The following CDK8 variants were observed in gnomAD, a reference collection of about 807,000 sequenced individuals.
The protein encoded by CDK8 is cyclin dependent kinase 8.
In CDK8, 29 loss-of-function variants were observed where a neutral mutation model predicts 71.5. The observed-to-expected ratio is 0.41, with a 90% CI of 0.30 to 0.55. The LOEUF (loss-of-function observed/expected upper bound fraction) is 0.55, where lower values mean the gene tolerates loss of function less well. CDK8 is among the 20% of genes least tolerant of loss of function. The pLI is 0.37. For synonymous variants in CDK8, 161 were observed against 192.1 expected (o/e 0.84, Z 1.34); for missense variants, 288 against 572.6 (o/e 0.50, Z 5.07).
chr13:26,401,405 T>A lies in CDK8; in HGVS notation c.1110+58T>A. The A allele has an allele frequency of 6.2e-7, 1 of 1,612,628 alleles. No homozygotes were observed. The highest frequency in any genetic ancestry group is 8.5e-7 in the Non-Finnish European group (1 of 1,178,700). Reference sequence around the variant, plus strand: ...TTTCGTGAATGCCTCCATAACATTTTCCATTGTGGGTATATTTTGTTCTCC... The same window carrying A: ...TTTCGTGAATGCCTCCATAACATTTACCATTGTGGGTATATTTTGTTCTCC... On this transcript the variant is annotated intron_variant, in intron 11 of 12. Transcript: ENST00000381527. This position sits in a 1 kb window ranked among gnomAD's most constrained non-coding sequence, Gnocchi z 4.5.
intron 1 of CDK8, among the ~76,000 whole-genome samples, chr13:26,255,668 G>C (rs1871493525): frequency 6.6e-6 from 1 of 152,162 alleles, no homozygotes. Flanking sequence ...TTAACTCCAT[G>C]TTTTCTTGTA....
At chr13:26,364,465 G>A (rs1874291112) in intron 4 of CDK8, among the ~76,000 whole-genome samples, 1 of 152,102 alleles carries the variant, frequency 6.6e-6, no homozygotes, top group Non-Finnish European at 1.5e-5. Flanking sequence ...GAAACTTAAT[G>A]TTTTTTGCAA....
At chr13:26,278,127 A>G (rs965015652) in intron 1 of CDK8, among the ~76,000 whole-genome samples, 4 of 152,236 alleles carry the variant, frequency 2.6e-5, no homozygotes, top group African/African-American at 7.2e-5. Context: ...AAGAAATTCA[A>G]GTAGTGGATT....
At chr13:26,259,426 GTAATC>G (rs1217212985) in intron 1 of CDK8, among the ~76,000 whole-genome samples, 1 of 152,130 alleles carries the variant, frequency 6.6e-6, no homozygotes, top group Non-Finnish European at 1.5e-5. Flanking sequence ...GGTATTATAA[GTAATC>G]TAGAGATGAT....
chr13:26,309,287 C>T (rs980029074), intron 1 of CDK8, among the ~76,000 whole-genome samples: 1 of 151,954 alleles, frequency 6.6e-6, no homozygotes, highest in African/African-American at 2.4e-5. Flanking sequence ...CTATAGGCGC[C>T]TGCCACCATG....
intron 1 of CDK8, among the ~76,000 whole-genome samples, chr13:26,319,716 C>A (rs768724758): frequency 6.7e-6 from 1 of 149,956 alleles, no homozygotes; most frequent in Non-Finnish European, 1.5e-5. Context: ...AAGAAAAAAC[C>A]CATCCTGAAA....
chr13:26,371,216 A>AT (rs1874667546), intron 4 of CDK8, among the ~76,000 whole-genome samples: 1 of 152,320 alleles, frequency 6.6e-6, no homozygotes, highest in Non-Finnish European at 1.5e-5. Flanking sequence ...GGACTTTTAT[A>AT]TATCAAGAAT....
intron 4 of CDK8, 58 bp downstream of exon 4, chr13:26,353,938 C>A: frequency 6.7e-7 from 1 of 1,485,456 alleles, no homozygotes; most frequent in Non-Finnish European, 9.4e-7. Context: ...GGATACTTTT[C>A]TAGTCGTCTG....
intron 1 of CDK8, among the ~76,000 whole-genome samples, chr13:26,300,055 T>A (rs1873756514): frequency 6.6e-6 from 1 of 152,150 alleles, no homozygotes; most frequent in Non-Finnish European, 1.5e-5. Flanking sequence ...CCTTCAGTAG[T>A]CAATGAGATA....
chr13:26,281,106 G>A (rs1872727443), intron 1 of CDK8, among the ~76,000 whole-genome samples: 1 of 152,214 alleles, frequency 6.6e-6, no homozygotes, highest in Non-Finnish European at 1.5e-5. Context: ...TAATTCCACT[G>A]CCTGCAACAT....
intron 1 of CDK8, among the ~76,000 whole-genome samples, chr13:26,308,108 A>G (rs1201753305): frequency 2.0e-5 from 3 of 152,162 alleles, no homozygotes; most frequent in Non-Finnish European, 2.9e-5. Flanking sequence ...TTCGTAAACA[A>G]TTTTCTAGAA....
intron 2 of CDK8, among the ~76,000 whole-genome samples, chr13:26,348,574 CCCTGCA>C (rs1218815077): frequency 6.6e-6 from 1 of 152,022 alleles, no homozygotes; most frequent in Non-Finnish European, 1.5e-5. Context: ...CCAGCCCCCG[CCCTGCA>C]CCTCCACCCC....
intron 1 of CDK8, among the ~76,000 whole-genome samples, chr13:26,309,762 C>T (rs182809964): frequency 2.8e-4 from 42 of 152,196 alleles, no homozygotes; most frequent in African/African-American, 7.9e-4. Context: ...GTAAAATTTA[C>T]CATCTTACCA....
intron 1 of CDK8, among the ~76,000 whole-genome samples, chr13:26,270,847 C>G (rs550032901): frequency 1.3e-5 from 2 of 152,206 alleles, no homozygotes; most frequent in South Asian, 2.1e-4. Context: ...TCATTATAAC[C>G]AAGAGTGGAA....
intron 1 of CDK8, among the ~76,000 whole-genome samples, chr13:26,330,375 TTG>T (rs1167381054): frequency 2.0e-5 from 3 of 152,146 alleles, no homozygotes; most frequent in African/African-American, 7.2e-5. Context: ...CTGACTAATT[TTG>T]TGTTTTTAGT....
At chr13:26,268,786 G>A (rs1353219561) in intron 1 of CDK8, among the ~76,000 whole-genome samples, 1 of 152,080 alleles carries the variant, frequency 6.6e-6, no homozygotes, top group East Asian at 1.9e-4. Flanking sequence ...TACAATTTGT[G>A]ACAAATGATT....
At chr13:26,334,287 C>T (rs1872884409) in intron 1 of CDK8, among the ~76,000 whole-genome samples, 1 of 151,972 alleles carries the variant, frequency 6.6e-6, no homozygotes. Flanking sequence ...TCTTTCCCAC[C>T]ACTCTCTTTC....
intron 1 of CDK8, among the ~76,000 whole-genome samples, chr13:26,321,947 A>C (rs577050663): frequency 2.0e-5 from 3 of 152,182 alleles, no homozygotes; most frequent in Admixed American, 1.3e-4. Context: ...TATATAAATA[A>C]TTGCAGAGCG....
At chr13:26,372,060 A>T (rs1324625077) in intron 4 of CDK8, among the ~76,000 whole-genome samples, 2 of 152,192 alleles carry the variant, frequency 1.3e-5, no homozygotes, top group Admixed American at 1.3e-4. Flanking sequence ...ATAAATAACC[A>T]CTCAAAAATG....
Sources: allele counts gnomAD v4.1 joint callset (sites outside exome capture counted in the v4.1 genomes callset), GRCh38; gene constraint gnomAD v4.1.1; non-coding constraint Gnocchi (gnomAD v3.1); transcripts MANE v1.5; gene names NCBI Gene and HGNC (gene_info 2026-07-23, HGNC 2026-07-21).